The following ZHX3 variants were observed in gnomAD, a reference collection of about 807,000 sequenced individuals.
ZHX3 encodes zinc fingers and homeoboxes protein 3.
ZHX3 carries 20 observed loss-of-function variants against 64.5 expected under a neutral mutation model. The observed-to-expected ratio is 0.31, with a 90% CI of 0.22 to 0.45. The LOEUF (loss-of-function observed/expected upper bound fraction) is 0.45. ZHX3 is among the 20% of genes least tolerant of loss of function. The pLI is 1.00. For synonymous variants in ZHX3, 423 were observed against 461.6 expected, an observed-to-expected ratio of 0.92 and a Z score of 1.07; for missense variants, 1,041 against 1,195.8, an observed-to-expected ratio of 0.87 and a Z score of 1.91.
rs776908740 is a variant in ZHX3 at position 41,289,864 on chromosome 20, T to C, written c.-244-20781A>G. Among the ~76,000 whole-genome samples, 5 of 152,000 alleles carry C rather than the reference T, an allele frequency of 3.3e-5. No homozygotes were observed. The South Asian group carries it at 6.2e-4, about 19-fold the overall frequency. ...GGTCAATAAAAGATTGCTGAAAACA[T>C]GGAAATAACTAATTTGAATTATGTA... On this transcript the variant is annotated intron_variant, in intron 1 of 3. Transcript: ENST00000683867.
Position 41,178,606 on chromosome 20 carries a change from TAGC to T in ZHX3, c.*6582_*6584del, listed in dbSNP as rs2036133274. 1.3e-5 allele frequency: 2 copies of T among 152,732 alleles called. No individual in the cohort carries two copies. The highest frequency in any genetic ancestry group is 4.8e-5 in the African/African-American group (2 of 41,566). The allele number at this position is 152,732 out of a possible 1,614,324, so 9.5% of individuals were successfully genotyped here. ...AAATGTGCAATTTGCATCTTAGAAA[TAGC>T]AGCATCCCCACAGGGGACCTCGTGA... On this transcript the variant is annotated 3_prime_UTR_variant, in exon 4 of 4. Coordinates refer to ENST00000683867, the MANE Select transcript of ZHX3 (RefSeq NM_001384317.1).
In ZHX3 at chr20:41,244,070, T is replaced by C. The variant is rs537176137; in HGVS notation, c.-151+24920A>G. 3.9e-5 allele frequency among the ~76,000 whole-genome samples: 6 copies of C among 152,164 alleles called. No individual in the cohort carries two copies. The East Asian group carries it at 5.8e-4, about 15-fold the overall frequency. ...ATGTGCTGGGGGGCTGTCCTGTAAA[T>C]TGCAGGATATTTAGTAACATCCCTG... is the stretch of plus-strand genomic sequence containing the variant. On this transcript the variant is annotated intron_variant, in intron 2 of 3. Coordinates refer to ENST00000683867, the MANE Select transcript of ZHX3 (RefSeq NM_001384317.1).
chr20:41,264,524 A>C (rs962308940), intron 2 of ZHX3, among the ~76,000 whole-genome samples: 7 of 148,084 alleles, frequency 4.7e-5, no homozygotes, highest in African/African-American at 1.8e-4. Context: ...ACGCCACTGC[A>C]CTCCAGCCTG....
At chr20:41,196,273 T>C (rs1020146017) in intron 3 of ZHX3, among the ~76,000 whole-genome samples, 1 of 125,554 alleles carries the variant, frequency 8.0e-6, no homozygotes, top group African/African-American at 3.0e-5. Context: ...GGTATATATA[T>C]ATATAATATA....
chr20:41,196,557 T>TTATATAA (rs2037703949), intron 3 of ZHX3: 4 of 56,276 alleles, frequency 7.1e-5, no homozygotes, highest in South Asian at 4.6e-4. Flanking sequence ...TAATATATAT[T>TTATATAA]ATATATAATA....
intron 2 of ZHX3, among the ~76,000 whole-genome samples, chr20:41,215,862 G>A (rs1040098692): frequency 6.7e-6 from 1 of 149,686 alleles, no homozygotes; most frequent in Non-Finnish European, 1.5e-5. Flanking sequence ...TGAGGCAGGA[G>A]AATGGAGTGA....
intron 2 of ZHX3, among the ~76,000 whole-genome samples, chr20:41,242,903 C>G (rs2041472671): frequency 6.6e-6 from 1 of 152,126 alleles, no homozygotes; most frequent in Admixed American, 6.5e-5. Context: ...AACCTTTTAG[C>G]TTGGTGGAAA....
chr20:41,256,439 C>T (rs1431958705), intron 2 of ZHX3, among the ~76,000 whole-genome samples: 1 of 152,032 alleles, frequency 6.6e-6, no homozygotes, highest in African/African-American at 2.4e-5. Context: ...TTAATACCAA[C>T]TAAACTCGAT....
chr20:41,303,403 G>A (rs902189968), intron 1 of ZHX3, among the ~76,000 whole-genome samples: 1 of 152,166 alleles, frequency 6.6e-6, no homozygotes, highest in African/African-American at 2.4e-5. Flanking sequence ...AACACAATGA[G>A]AAGCAAAAAT....
At chr20:41,186,549 C>T (rs947404598) in intron 3 of ZHX3, among the ~76,000 whole-genome samples, 2 of 152,174 alleles carry the variant, frequency 1.3e-5, no homozygotes, top group Non-Finnish European at 2.9e-5. Context: ...TCTATATTCA[C>T]CTTCTTGAAG....
intron 2 of ZHX3, among the ~76,000 whole-genome samples, chr20:41,227,192 G>C (rs1019357311): frequency 7.9e-5 from 12 of 152,124 alleles, no homozygotes; most frequent in African/African-American, 2.7e-4. Flanking sequence ...GTCCTGGGGT[G>C]GGGGGCAGCA....
chr20:41,204,362 T>A lies in ZHX3; in HGVS notation c.555A>T (p.Pro185=), dbSNP rs2038523836. Residue 185 remains proline, a synonymous_variant, in exon 3 of 4, where the codon CCA becomes CCT. Transcript: ENST00000683867. This position sits in a 1 kb window ranked among gnomAD's most constrained non-coding sequence, Gnocchi z 6.6. ...CTTTGCCTTTCATTATCTTCATGAT[T>A]GGAGTTTTGGTAATGATGATTTCTG... ...GQAEIIITKT[P]IMKIMKGKAE... 1 of 1,614,082 alleles carries A rather than the reference T, an allele frequency of 6.2e-7. No homozygotes were observed. Among genetic ancestry groups the A allele is most frequent in the Non-Finnish European group, 8.5e-7 (1 of 1,180,048 alleles).
intron 2 of ZHX3, among the ~76,000 whole-genome samples, chr20:41,255,990 A>AT (rs1357505665): frequency 6.6e-6 from 1 of 152,218 alleles, no homozygotes. Context: ...AGGTTTTGTG[A>AT]TTAAAGGCAC....
In ZHX3 at chr20:41,212,827, C is replaced by T. The variant is rs1480115450; in HGVS notation, c.-150-7761G>A. On this transcript the variant is annotated intron_variant, in intron 2 of 3. Coordinates refer to ENST00000683867, the MANE Select transcript of ZHX3 (RefSeq NM_001384317.1). The surrounding 1 kb of genome is among the most constrained non-coding windows in gnomAD (Gnocchi z 4.3). ...AAAAAAAACCAAAAACAAAACAAAA[C>T]AAAAAAAACAAAACACCAGCAATTT... 1.3e-5 allele frequency among the ~76,000 whole-genome samples: 2 copies of T among 148,774 alleles called. No homozygotes were observed. The highest frequency in any genetic ancestry group is 3.0e-5 in the Non-Finnish European group (2 of 67,120).
At chr20:41,222,882 C>A (rs954058004) in intron 2 of ZHX3, among the ~76,000 whole-genome samples, 4 of 146,610 alleles carry the variant, frequency 2.7e-5, no homozygotes, top group Admixed American at 6.9e-5. Flanking sequence ...GGTGAGCTCA[C>A]TTGAATTTCT....
intron 1 of ZHX3, among the ~76,000 whole-genome samples, chr20:41,310,158 A>C (rs1386808447): frequency 6.6e-6 from 1 of 151,976 alleles, no homozygotes; most frequent in Non-Finnish European, 1.5e-5. Context: ...AGCAAACCCC[A>C]ACCCTGGCTC....
intron 2 of ZHX3, among the ~76,000 whole-genome samples, chr20:41,253,398 G>A (rs2042085846): frequency 6.6e-6 from 1 of 151,926 alleles, no homozygotes; most frequent in Non-Finnish European, 1.5e-5. Context: ...AGTTCCAGGT[G>A]GTCTCCTGGT....
At chr20:41,261,531 C>T (rs1451105516) in intron 2 of ZHX3, among the ~76,000 whole-genome samples, 2 of 152,208 alleles carry the variant, frequency 1.3e-5, no homozygotes, top group Non-Finnish European at 2.9e-5. Flanking sequence ...AACACCTCTT[C>T]CACACCACTT....
intron 1 of ZHX3, among the ~76,000 whole-genome samples, chr20:41,306,595 T>A (rs1404611692): frequency 6.6e-6 from 1 of 152,248 alleles, no homozygotes; most frequent in East Asian, 1.9e-4. Flanking sequence ...CACATAGTAG[T>A]CACATAATAA....
Sources: allele counts gnomAD v4.1 joint callset (sites outside exome capture counted in the v4.1 genomes callset), GRCh38; gene constraint gnomAD v4.1.1; non-coding constraint Gnocchi (gnomAD v3.1); transcripts MANE v1.5; gene names NCBI Gene and HGNC (gene_info 2026-07-23, HGNC 2026-07-21).